Variants in SLC4A8 observed in about 807,000 individuals in gnomAD.
SLC4A8 encodes the protein electroneutral sodium bicarbonate exchanger 1.
Under a neutral mutation model 125.0 loss-of-function variants are expected in SLC4A8, and 40 were observed. The ratio of observed to expected loss-of-function variants is 0.32; its 90% CI spans 0.25 to 0.42. SLC4A8 has a LOEUF of 0.42. Among genes scored for constraint, SLC4A8 ranks in the 10% least tolerant of loss-of-function variants. The pLI is 1.00. For missense variants in SLC4A8, 863 were observed against 1,355.1 expected, an observed-to-expected ratio of 0.64 and a Z score of 5.70; for synonymous variants, 456 against 476.0, an observed-to-expected ratio of 0.96 and a Z score of 0.55.
At chr12:51,407,617 C>T (rs551005947) in intron 1 of SLC4A8, among the ~76,000 whole-genome samples, 26 of 152,150 alleles carry the variant, frequency 1.7e-4, no homozygotes, top group African/African-American at 5.5e-4. Context: ...CAAACCATAG[C>T]GGGGTGTGTC....
rs764170063 is a variant in SLC4A8, at chr12:51,453,593, T to G, written c.468T>G (p.Pro156=). Residue 156 remains proline, a synonymous_variant, in exon 5 of 25, where the codon CCT becomes CCG. Coordinates refer to ENST00000453097, the MANE Select transcript of SLC4A8 (RefSeq NM_001039960.3). ...ATGGGGGAGAACGCTGGAGCAAGCC[T>G]TATGTGGCAACCCTTTCATTGCACA... is the stretch of plus-strand genomic sequence containing the variant. ...VEDGGERWSK[P]YVATLSLHSL... is the part of the protein sequence containing the mutation. 6.2e-7 allele frequency: 1 copy of G among 1,614,212 alleles called. No homozygotes were observed. The highest frequency in any genetic ancestry group is 1.1e-5 in the South Asian group (1 of 91,086).
chr12:51,489,732 G>A lies in SLC4A8; in HGVS notation c.2481G>A (p.Met827Ile). Residue 827 changes from methionine to isoleucine, a missense_variant, in exon 19 of 25, where the codon ATG (methionine) becomes ATA (isoleucine). Physicochemically the swap from Met to Ile is conservative, Grantham distance 10. Around this residue, in one of 6 missense-constraint regions of SLC4A8, gnomAD observed 197 missense variants for 377.7 expected, o/e 0.52. Coordinates refer to ENST00000453097, the MANE Select transcript of SLC4A8 (RefSeq NM_001039960.3). The part of the protein sequence containing the change: ...KGCGYHLDLL[M>I]VAIMLGVCSI... Reference sequence around the variant, plus strand: ...GTGGCTACCACCTGGACCTACTGATGGTGGCCATCATGCTGGGTGTCTGCT... The same window carrying A: ...GTGGCTACCACCTGGACCTACTGATAGTGGCCATCATGCTGGGTGTCTGCT... 3 of 1,614,180 alleles carry A rather than the reference G, an allele frequency of 1.9e-6. No individual in the cohort carries two copies. Among genetic ancestry groups the A allele is most frequent in the Non-Finnish European group, 2.5e-6 (3 of 1,180,026 alleles).
chr12:51,479,960 A>G (rs1326298148), intron 16 of SLC4A8: 1 of 400,180 alleles, frequency 2.5e-6, no homozygotes, highest in Admixed American at 3.2e-5. Context: ...CAAGTTTTGT[A>G]TAAATGGAAT....
At chr12:51,417,102 A>G (rs1592150758) in intron 1 of SLC4A8, among the ~76,000 whole-genome samples, 1 of 127,256 alleles carries the variant, frequency 7.9e-6, no homozygotes, top group African/African-American at 2.7e-5. Context: ...CCCCTGTCTC[A>G]AAAAAAAAAA....
intron 2 of SLC4A8, among the ~76,000 whole-genome samples, chr12:51,441,740 G>C (rs908173519): frequency 6.6e-6 from 1 of 152,208 alleles, no homozygotes; most frequent in Non-Finnish European, 1.5e-5. Flanking sequence ...TCCCGTGACA[G>C]TTTTTTCATC....
chr12:51,396,771 A>G (rs1948271621), intron 1 of SLC4A8, among the ~76,000 whole-genome samples: 1 of 151,720 alleles, frequency 6.6e-6, no homozygotes, highest in Non-Finnish European at 1.5e-5. Context: ...ATTTTTCTGT[A>G]TTTTTTGAAT....
upstream of SLC4A8, chr12:51,424,706 G>T (rs1238365524): frequency 6.8e-6 from 3 of 439,662 alleles, no homozygotes; most frequent in East Asian, 3.9e-5. Context: ...GCCCGGGAGC[G>T]GTTGGCTCCC....
At chr12:51,392,950 T>C (rs1276183173) in intron 1 of SLC4A8, 2 of 152,218 alleles carry the variant, frequency 1.3e-5, no homozygotes, top group Non-Finnish European at 2.9e-5. Context: ...GTTCAGTTTC[T>C]CTTTTGTTTT....
chr12:51,494,124 A>G (rs1951395568), intron 20 of SLC4A8, among the ~76,000 whole-genome samples: 1 of 152,178 alleles, frequency 6.6e-6, no homozygotes, highest in Non-Finnish European at 1.5e-5. Context: ...GCTTTCACTC[A>G]TGGACAGATC....
At chr12:51,429,209 G>T (rs1235128858) in intron 1 of SLC4A8, among the ~76,000 whole-genome samples, 1 of 152,188 alleles carries the variant, frequency 6.6e-6, no homozygotes. Context: ...ACTCTGCCAG[G>T]CATAGAGAGG....
chr12:51,394,453 A>G (rs1296390862), intron 1 of SLC4A8, among the ~76,000 whole-genome samples: 1 of 152,214 alleles, frequency 6.6e-6, no homozygotes, highest in Non-Finnish European at 1.5e-5. Flanking sequence ...CAAGCCAGGA[A>G]GGTTTGCAGA....
intron 1 of SLC4A8, among the ~76,000 whole-genome samples, chr12:51,398,409 A>G (rs1948306611): frequency 6.6e-6 from 1 of 152,226 alleles, no homozygotes. Flanking sequence ...TAAATCACAC[A>G]AGATCATCTC....
At chr12:51,447,214 C>T (rs550475282) in intron 2 of SLC4A8, among the ~76,000 whole-genome samples, 22 of 152,064 alleles carry the variant, frequency 1.4e-4, no homozygotes, top group Non-Finnish European at 2.9e-4. Flanking sequence ...TTCCAAATAG[C>T]TAGGACTATA....
intron 22 of SLC4A8, among the ~76,000 whole-genome samples, chr12:51,503,219 ATTT>A (rs201818256): frequency 6.8e-6 from 1 of 146,524 alleles, no homozygotes; most frequent in Non-Finnish European, 1.5e-5. Context: ...TTATTTTTTT[ATTT>A]TTTATTTTTA....
intron 21 of SLC4A8, among the ~76,000 whole-genome samples, 193 bp from the exon 22 acceptor site, chr12:51,496,794 A>T (rs1951471286): frequency 6.6e-6 from 1 of 152,206 alleles, no homozygotes; most frequent in African/African-American, 2.4e-5. Flanking sequence ...AGCTGTTATG[A>T]TAGTTAAAAT....
At position 51,475,072 on chromosome 12, in the gene SLC4A8, A is replaced by G. The variant is rs148467747; in HGVS notation, c.2038A>G (p.Met680Val). The stretch of plus-strand genomic sequence containing the variant: ...ATGCCAGGAGATGCATGGAGAGTTC[A>G]TGGGATCTGCGTGCGGCCATCATGG... Reference protein sequence around the residue: ...SECQEMHGEFMGSACGHHGPY... With the variant: ...SECQEMHGEFVGSACGHHGPY... The change falls in exon 16 of 25, where the codon ATG becomes GTG. Residue 680 changes from methionine (M) to valine (V), a missense_variant. Physicochemically the swap from Met to Val is conservative, Grantham distance 21. Transcript: ENST00000453097. The G allele has an allele frequency of 2.5e-6, 4 of 1,613,958 alleles. No individual in the cohort carries two copies. The highest frequency in any genetic ancestry group is 3.4e-6 in the Non-Finnish European group (4 of 1,179,976).
chr12:51,404,306 G>A (rs901139727), intron 1 of SLC4A8, among the ~76,000 whole-genome samples: 4 of 152,118 alleles, frequency 2.6e-5, no homozygotes, highest in African/African-American at 9.7e-5. Flanking sequence ...GATTGGGATG[G>A]GGCAGTCAAG....
chr12:51,443,416 CT>C (rs1283673079), intron 2 of SLC4A8, among the ~76,000 whole-genome samples: 3 of 151,166 alleles, frequency 2.0e-5, no homozygotes, highest in Non-Finnish European at 3.0e-5. Flanking sequence ...CATTATGTTG[CT>C]TTTTTTTTAA....
intron 16 of SLC4A8, chr12:51,480,702 A>G (rs1951005267): frequency 1.2e-6 from 1 of 839,732 alleles, no homozygotes; most frequent in Admixed American, 6.2e-5. Context: ...TTTCTTTTAA[A>G]GGAAAAAAAT....
Sources: allele counts gnomAD v4.1 joint callset (sites outside exome capture counted in the v4.1 genomes callset), GRCh38; gene constraint gnomAD v4.1.1; regional missense constraint gnomAD v4.1.1; transcripts MANE v1.5; gene names NCBI Gene and HGNC (gene_info 2026-07-23, HGNC 2026-07-21).